Variants in CAMK2A observed in about 807,000 individuals in gnomAD.
CAMK2A encodes the protein calcium/calmodulin dependent protein kinase II alpha.
A neutral mutation model predicts 79.2 loss-of-function variants in CAMK2A; 7 were observed. The ratio of observed to expected loss-of-function variants is 0.09; its 90% CI spans 0.05 to 0.17. The LOEUF (loss-of-function observed/expected upper bound fraction) is 0.17. Ranked by LOEUF, CAMK2A falls within the 10% of genes least tolerant of loss-of-function variation. The pLI, the probability that CAMK2A is intolerant of heterozygous loss-of-function variation, is 1.00. For missense variants in CAMK2A, 214 were observed against 646.4 expected, an observed-to-expected ratio of 0.33 and a Z score of 7.25; for synonymous variants, 242 against 251.7, an observed-to-expected ratio of 0.96 and a Z score of 0.36.
rs1391292008 is a variant in CAMK2A at position 150,219,656 on chromosome 5, TA to T, written c.*3053del. On this transcript the variant is annotated 3_prime_UTR_variant, in exon 19 of 19. Coordinates refer to ENST00000671881, the MANE Select transcript of CAMK2A (RefSeq NM_015981.4). Reference sequence around the variant, plus strand: ...AAAAGAAAAGAAAAAAAAAAAGAACTAAAACAAAACCCCAAACAAATAGTAA... The same window carrying T: ...AAAAGAAAAGAAAAAAAAAAAGAACTAAACAAAACCCCAAACAAATAGTAA... 1.6e-5 allele frequency: 2 copies of T among 125,312 alleles called. No homozygotes were observed. Among genetic ancestry groups the T allele is most frequent in the Non-Finnish European group, 3.2e-5 (2 of 61,984 alleles). The allele number at this position is 125,312 out of a possible 1,614,324, so 7.8% of individuals were successfully genotyped here. A position where few individuals can be genotyped will look rare whatever the true frequency, so the allele number is the denominator to read the frequency against.
At chr5:150,279,524 C>G (rs112194815) in intron 1 of CAMK2A, among the ~76,000 whole-genome samples, 8 of 152,216 alleles carry the variant, frequency 5.3e-5, no homozygotes, top group African/African-American at 1.9e-4. Context: ...AGTAAATGCT[C>G]AAGGAACAAT....
intron 13 of CAMK2A, among the ~76,000 whole-genome samples, chr5:150,243,723 G>A (rs1011509181): frequency 6.6e-6 from 1 of 152,194 alleles, no homozygotes. Context: ...AGCTCTCAGG[G>A]CGCATTGTAT....
At chr5:150,240,854 A>G (rs1755305039) in intron 13 of CAMK2A, among the ~76,000 whole-genome samples, 2 of 152,206 alleles carry the variant, frequency 1.3e-5, no homozygotes, top group Admixed American at 1.3e-4. Flanking sequence ...ATGCCCTTAT[A>G]CCAGAGAGGC....
intron 12 of CAMK2A, among the ~76,000 whole-genome samples, chr5:150,246,052 G>T (rs911686222): frequency 6.6e-6 from 1 of 152,240 alleles, no homozygotes; most frequent in Non-Finnish European, 1.5e-5. Flanking sequence ...CCCATAAGCC[G>T]CACATGCTCA....
chr5:150,236,698 A>G (rs906991557), intron 15 of CAMK2A, among the ~76,000 whole-genome samples: 2 of 152,206 alleles, frequency 1.3e-5, no homozygotes, highest in African/African-American at 4.8e-5. Context: ...CTGGGCAGCT[A>G]GCCTCAAATA....
Position 150,289,637 on chromosome 5 carries a change from G to T in CAMK2A, c.-12C>A, listed in dbSNP as rs1269213968. On this transcript the variant is annotated 5_prime_UTR_variant, in exon 1 of 19. Coordinates refer to ENST00000671881, the MANE Select transcript of CAMK2A (RefSeq NM_015981.4). ...GTGATGGTGGCCATCCTGGCGCTGG[G>T]CAGGCAGGTGAGGCTTGGGACTGGG... 6.2e-7 allele frequency: 1 copy of T among 1,612,214 alleles called. No individual in the cohort carries two copies. Among genetic ancestry groups the T allele is most frequent in the African/African-American group, 1.3e-5 (1 of 74,904 alleles).
intron 6 of CAMK2A, among the ~76,000 whole-genome samples, chr5:150,255,703 A>G (rs1756026597): frequency 6.6e-6 from 1 of 152,224 alleles, no homozygotes; most frequent in South Asian, 2.1e-4. Flanking sequence ...TTTGATGGAC[A>G]TCTGGCAGGG....
At chr5:150,229,059 G>A (rs1754728511) in intron 16 of CAMK2A, among the ~76,000 whole-genome samples, 1 of 152,156 alleles carries the variant, frequency 6.6e-6, no homozygotes, top group Non-Finnish European at 1.5e-5. Context: ...ATGGACCCCT[G>A]TGACAATAGC....
chr5:150,264,015 G>A (rs1209857495), intron 3 of CAMK2A, among the ~76,000 whole-genome samples: 8 of 152,210 alleles, frequency 5.3e-5, no homozygotes, highest in Non-Finnish European at 8.8e-5. Context: ...CCCTGGGCAC[G>A]GAGAGAGGCT....
At position 150,222,675 on chromosome 5, in the gene CAMK2A, G is replaced by A. The variant is rs150250733; in HGVS notation, c.*35C>T. The A allele has an allele frequency of 1.2e-4, 198 of 1,613,304 alleles. 1 individual carries two copies. In the African/African-American group the frequency reaches 2.3e-3, roughly 18 times the overall value. On this transcript the variant is annotated 3_prime_UTR_variant, in exon 19 of 19. Transcript: ENST00000671881. ...CACTCCACGGACAGAGTGGATCTCT[G>A]CGGCACAGCAACGCAGCGACCCCAG...
At chr5:150,235,973 A>T (rs1233340193) in intron 15 of CAMK2A, among the ~76,000 whole-genome samples, 3 of 152,004 alleles carry the variant, frequency 2.0e-5, no homozygotes, top group African/African-American at 7.3e-5. Flanking sequence ...GGTTTTTTAC[A>T]TGTGGGGAAA....
intron 13 of CAMK2A, among the ~76,000 whole-genome samples, chr5:150,242,258 C>T (rs1480456859): frequency 6.6e-6 from 1 of 152,204 alleles, no homozygotes; most frequent in African/African-American, 2.4e-5. Flanking sequence ...TTTAAAGGGA[C>T]TTTCACTGAA....
At chr5:150,277,115 A>G (rs952082690) in intron 1 of CAMK2A, among the ~76,000 whole-genome samples, 3 of 152,054 alleles carry the variant, frequency 2.0e-5, no homozygotes, top group African/African-American at 7.2e-5. Flanking sequence ...TCAGAAGGCT[A>G]ATGTATGAGG....
At chr5:150,259,984 T>A (rs546441495) in intron 3 of CAMK2A, among the ~76,000 whole-genome samples, 2 of 147,272 alleles carry the variant, frequency 1.4e-5, no homozygotes, top group East Asian at 2.1e-4. Context: ...ATAAAAAAAA[T>A]TAAAAATAAA....
Position 150,221,689 on chromosome 5 carries a change from C to T in CAMK2A, c.*1021G>A, listed in dbSNP as rs1333784775. ...GAAATGGCAGAGAGGCCCTTCTCCC[C>T]GGAGCTGAGTCCACCTTGGCCCCAA... is the stretch of plus-strand genomic sequence containing the variant. On this transcript the variant is annotated 3_prime_UTR_variant, in exon 19 of 19. Transcript: ENST00000671881. 1.5e-5 allele frequency: 6 copies of T among 393,360 alleles called. No homozygotes were observed. Among genetic ancestry groups the T allele is most frequent in the South Asian group, 1.3e-4 (1 of 7,468 alleles). 24.4% of individuals were successfully genotyped at this position (393,360 alleles called of 1,614,324 possible). A position where few individuals can be genotyped will look rare whatever the true frequency, so the allele number is the denominator to read the frequency against.
At chr5:150,289,944 A>C, upstream of CAMK2A, 1 of 374,216 alleles carries the variant, frequency 2.7e-6, no homozygotes, top group Non-Finnish European at 4.9e-6. Context: ...CATACCGCAC[A>C]CAATACTGCA....
At chr5:150,267,684 A>C (rs1418707891) in intron 2 of CAMK2A, among the ~76,000 whole-genome samples, 1 of 152,104 alleles carries the variant, frequency 6.6e-6, no homozygotes, top group Admixed American at 6.6e-5. Context: ...AGAGAACCTT[A>C]AGACATGTAG....
intron 1 of CAMK2A, among the ~76,000 whole-genome samples, chr5:150,286,868 C>T (rs1216520113): frequency 6.6e-6 from 1 of 152,254 alleles, no homozygotes; most frequent in African/African-American, 2.4e-5. Flanking sequence ...CAACAACAGT[C>T]ACCCCAGTAG....
intron 12 of CAMK2A, chr5:150,245,437 C>T (rs1247556958): frequency 3.6e-6 from 2 of 562,940 alleles, no homozygotes; most frequent in Non-Finnish European, 6.4e-6. Context: ...CAAGCGTAAC[C>T]CTCTGGCTTC....
Sources: allele counts gnomAD v4.1 joint callset (sites outside exome capture counted in the v4.1 genomes callset), GRCh38; gene constraint gnomAD v4.1.1; transcripts MANE v1.5; gene names NCBI Gene and HGNC (gene_info 2026-07-23, HGNC 2026-07-21).